TPM4: variants seen among roughly 807,000 people sequenced by gnomAD.
TPM4 encodes tropomyosin 4.
In TPM4, 17 loss-of-function variants were observed where a neutral mutation model predicts 35.8. The ratio of observed to expected loss-of-function variants is 0.47; its 90% CI spans 0.32 to 0.71. TPM4 has a LOEUF of 0.71. Among genes scored for constraint, TPM4 ranks in the 30% least tolerant of loss-of-function variants. TPM4 has a pLI of 0.03. For missense variants in TPM4, 240 were observed against 320.9 expected (o/e 0.75, Z 1.93); for synonymous variants, 120 against 122.9 (o/e 0.98, Z 0.15).
intron 5 of TPM4, among the ~76,000 whole-genome samples, chr19:16,092,177 GAA>G (rs77856675): frequency 6.5e-4 from 90 of 138,624 alleles, no homozygotes; most frequent in African/African-American, 1.9e-3. Context: ...GATTCTGTCT[GAA>G]AAAAAAAAAA....
intron 5 of TPM4, among the ~76,000 whole-genome samples, chr19:16,089,615 T>C (rs985979286): frequency 2.0e-5 from 3 of 151,756 alleles, no homozygotes; most frequent in Admixed American, 2.0e-4. Context: ...TTCTTGCTCC[T>C]GCTTTTGCAG....
intron 2 of TPM4, among the ~76,000 whole-genome samples, chr19:16,068,940 G>A (rs576501363): frequency 5.3e-5 from 8 of 152,198 alleles, no homozygotes; most frequent in Non-Finnish European, 1.2e-4. Context: ...GCTGCGTGCG[G>A]CTGTTGGAAA....
upstream of TPM4, among the ~76,000 whole-genome samples, chr19:16,073,989 C>A: frequency 9.8e-6 from 1 of 101,544 alleles, no homozygotes; most frequent in African/African-American, 3.7e-5. Flanking sequence ...TGCACACACA[C>A]ACACAGCAAG....
intron 1 of TPM4, chr19:16,078,260 C>T: frequency 2.5e-6 from 1 of 397,036 alleles, no homozygotes; most frequent in African/African-American, 2.1e-5. Context: ...GGACCAGAGA[C>T]ATGGGTGTGC....
At chr19:16,083,822 G>A (rs970479530) in intron 2 of TPM4, among the ~76,000 whole-genome samples, 7 of 148,630 alleles carry the variant, frequency 4.7e-5, no homozygotes, top group East Asian at 2.0e-4. Flanking sequence ...GTAGTGGTGC[G>A]ATCACAGCTC....
rs910358388 is a variant in TPM4 at position 16,080,568 on chromosome 19, T to C, written c.133-1345T>C. 14 of 191,892 alleles carry C rather than the reference T, an allele frequency of 7.3e-5. No homozygotes were observed. In the East Asian group the frequency reaches 1.2e-3, roughly 16 times the overall value. 11.9% of individuals were successfully genotyped at this position (191,892 alleles called of 1,614,324 possible). ...GCTCACGCCTGTAATCCCAGTACTTTGGGAGACCAAGGCGGGTGGATCACG... is the reference window on the plus strand; with the variant it reads ...GCTCACGCCTGTAATCCCAGTACTTCGGGAGACCAAGGCGGGTGGATCACG... On this transcript the variant is annotated intron_variant, in intron 1 of 7. Transcript: ENST00000643579.
Position 16,082,066 on chromosome 19 carries a change from G to A in TPM4, c.266+20G>A, listed in dbSNP as rs1453401879. 1 of 1,586,092 alleles carries A rather than the reference G, an allele frequency of 6.3e-7. No individual in the cohort carries two copies. The highest frequency in any genetic ancestry group is 1.3e-5 in the African/African-American group (1 of 74,502). On this transcript the variant is annotated intron_variant, in intron 2 of 7. Transcript: ENST00000643579. ...TGAGAGGTAAGGACGCTTTGAATCT[G>A]GTGGCATCCGTGTTTGCTTTTAGAA...
In TPM4 at chr19:16,102,586, T is replaced by G. The variant is rs1205715487; in HGVS notation, c.*1240T>G. On this transcript the variant is annotated 3_prime_UTR_variant, in exon 8 of 8. Coordinates refer to ENST00000643579, the MANE Select transcript of TPM4 (RefSeq NM_003290.3). ...AGGGAACAGCAAATTGAGGATTTAC[T>G]TATCTAGGACTTGAATTCCTTCTTT... The G allele has an allele frequency of 8.8e-6, 2 of 227,940 alleles. No individual in the cohort carries two copies. The highest frequency in any genetic ancestry group is 8.7e-6 in the Non-Finnish European group (1 of 114,728). 14.1% of individuals were successfully genotyped at this position (227,940 alleles called of 1,614,324 possible).
chr19:16,094,646 C>G (rs1457575308), intron 7 of TPM4, among the ~76,000 whole-genome samples: 2 of 150,488 alleles, frequency 1.3e-5, no homozygotes, highest in African/African-American at 2.4e-5. Flanking sequence ...CCAGGGAGCT[C>G]AAAGCTTATC....
At chr19:16,079,620 G>A (rs762387572) in intron 1 of TPM4, 63 of 221,526 alleles carry the variant, frequency 2.8e-4, no homozygotes, top group Non-Finnish European at 5.4e-5. Flanking sequence ...CTCTATTTGT[G>A]TAGTTTTTCG....
At chr19:16,097,076 C>T (rs993909186) in intron 7 of TPM4, among the ~76,000 whole-genome samples, 1 of 148,838 alleles carries the variant, frequency 6.7e-6, no homozygotes, top group Non-Finnish European at 1.5e-5. Flanking sequence ...GCCTCAGCCT[C>T]CCGAGTAGCT....
In TPM4 at chr19:16,071,121, A is replaced by G. The variant is rs116392802; in HGVS notation, c.114+3383A>G. ...CCCACTGGAGTAGACTTGGGCTCAA[A>G]GCAAGTCTACACAGACTAGCTTTCA... On this transcript the variant is annotated intron_variant, in intron 2 of 2. Coordinates refer to the TPM4 transcript ENST00000589897. Among the ~76,000 whole-genome samples, 999 of 152,290 alleles carry G rather than the reference A, an allele frequency of 6.6e-3. 11 individuals are homozygous for G. The highest frequency in any genetic ancestry group is 0.022 in the African/African-American group (916 of 41,562).
chr19:16,095,314 G>C (rs2090681667), intron 7 of TPM4: 13 of 1,038,724 alleles, frequency 1.3e-5, no homozygotes, highest in African/African-American at 1.7e-5. Flanking sequence ...CGAGGAACTG[G>C]ACCACGCTCT....
intron 1 of TPM4, chr19:16,080,793 C>T (rs559585597): frequency 2.3e-5 from 8 of 347,920 alleles, no homozygotes; most frequent in South Asian, 1.5e-4. Context: ...TTGGTGACGG[C>T]GCAAGACTCC....
intron 5 of TPM4, chr19:16,093,187 T>G (rs1445211218): frequency 3.0e-5 from 6 of 197,556 alleles, no homozygotes; most frequent in East Asian, 1.3e-4. Context: ...TTTTTTTGTT[T>G]TTGTTGTTGT....
At chr19:16,075,209 C>T (rs906554944), upstream of TPM4, 10 of 152,132 alleles carry the variant, frequency 6.6e-5, no homozygotes, top group African/African-American at 1.9e-4. Context: ...AACTCTAGAC[C>T]GGTGTGGTGG....
At position 16,102,262 on chromosome 19, in the gene TPM4, C is replaced by T. The variant is rs371245034; in HGVS notation, c.*916C>T. On this transcript the variant is annotated 3_prime_UTR_variant, in exon 8 of 8. Coordinates refer to ENST00000643579, the MANE Select transcript of TPM4 (RefSeq NM_003290.3). ...GCTGAGGCAGGAGGATCGCTTGAACCCAGGAAGTGGAGACTGCAGTGAGCC... is the reference window on the plus strand; with the variant it reads ...GCTGAGGCAGGAGGATCGCTTGAACTCAGGAAGTGGAGACTGCAGTGAGCC... The T allele has an allele frequency of 1.3e-4, 25 of 190,126 alleles. No homozygotes were observed. The East Asian group carries it at 2.0e-3, about 15-fold the overall frequency. 11.8% of individuals were successfully genotyped at this position (190,126 alleles called of 1,614,324 possible).
intron 7 of TPM4, among the ~76,000 whole-genome samples, chr19:16,094,112 G>A (rs913393705): frequency 6.6e-6 from 1 of 151,898 alleles, no homozygotes; most frequent in Admixed American, 6.6e-5. Context: ...CTACAGGCGT[G>A]TGCCGCCACA....
chr19:16,091,190 A>C (rs970703775), intron 5 of TPM4, among the ~76,000 whole-genome samples: 1 of 151,968 alleles, frequency 6.6e-6, no homozygotes, highest in Non-Finnish European at 1.5e-5. Flanking sequence ...GTAACTGGGA[A>C]TACAGGCGCA....
Sources: gnomAD v4.1 joint callset for allele counts (sites outside exome capture counted in the v4.1 genomes callset) on GRCh38, gnomAD v4.1.1 for gene constraint, MANE v1.5 for transcripts, NCBI Gene and HGNC (gene_info 2026-07-23, HGNC 2026-07-21) for gene names.